PRKAG2: variants seen among roughly 807,000 people sequenced by gnomAD.
PRKAG2 encodes the protein protein kinase AMP-activated non-catalytic subunit gamma 2.
In PRKAG2, 26 loss-of-function variants were observed where a neutral mutation model predicts 69.6. The observed-to-expected ratio is 0.37, with a 90% CI of 0.27 to 0.52. The LOEUF is 0.52. Among genes scored for constraint, PRKAG2 ranks in the 20% least tolerant of loss-of-function variants. The probability of loss-of-function intolerance (pLI) is 0.90; values close to 1 mark genes in which losing one functional copy is unlikely to be tolerated. For synonymous variants in PRKAG2, 293 were observed against 285.0 expected (o/e 1.03, Z -0.28); for missense variants, 557 against 740.0 (o/e 0.75, Z 2.87).
chr7:151,613,429 T>C (rs1819335466), intron 5 of PRKAG2, among the ~76,000 whole-genome samples: 1 of 152,212 alleles, frequency 6.6e-6, no homozygotes, highest in Non-Finnish European at 1.5e-5. Context: ...CTGGTATGTA[T>C]GATGCAAATA....
intron 5 of PRKAG2, among the ~76,000 whole-genome samples, chr7:151,628,612 G>A (rs907680727): frequency 1.6e-4 from 24 of 151,870 alleles, no homozygotes; most frequent in African/African-American, 3.6e-4. Context: ...CTTGGGAGGC[G>A]GAAGCACCAC....
intron 3 of PRKAG2, among the ~76,000 whole-genome samples, chr7:151,681,310 A>G (rs1833858011): frequency 6.6e-6 from 1 of 152,186 alleles, no homozygotes; most frequent in African/African-American, 2.4e-5. Context: ...CAAGTTCAGA[A>G]GCTGCTCCCA....
intron 1 of PRKAG2, among the ~76,000 whole-genome samples, chr7:151,852,094 C>T (rs2079582849): frequency 1.3e-5 from 2 of 152,164 alleles, no homozygotes; most frequent in African/African-American, 4.8e-5. Flanking sequence ...AGTGACAGGA[C>T]GGACGCACAG....
chr7:151,760,948 A>G (rs1287578454), intron 3 of PRKAG2, among the ~76,000 whole-genome samples: 6 of 152,230 alleles, frequency 3.9e-5, no homozygotes, highest in African/African-American at 1.4e-4. Flanking sequence ...ACAGAAAAAA[A>G]TAACTGAAAG....
intron 4 of PRKAG2, 162 bp downstream of exon 4, chr7:151,675,258 C>T: frequency 2.5e-6 from 2 of 791,904 alleles, no homozygotes; most frequent in East Asian, 5.4e-5. Flanking sequence ...GTGCCCTCAC[C>T]ATTTCTCCCT....
chr7:151,558,757 T>TC (rs1804306536), intron 15 of PRKAG2: 18 of 985,206 alleles, frequency 1.8e-5, no homozygotes, highest in Non-Finnish European at 2.2e-5. Context: ...CATTCCAAAT[T>TC]CCAGCTGGAA....
intron 1 of PRKAG2, among the ~76,000 whole-genome samples, chr7:151,823,590 G>A (rs2078843456): frequency 6.6e-6 from 1 of 151,904 alleles, no homozygotes; most frequent in Admixed American, 6.6e-5. Context: ...TGGCCTACTG[G>A]GCCATCTGGG....
At position 151,675,499 on chromosome 7, in the gene PRKAG2, T is replaced by G. The variant is rs1832772123; in HGVS notation, c.605A>C (p.Gln202Pro). The G allele has an allele frequency of 6.2e-7, 1 of 1,614,148 alleles. No individual in the cohort carries two copies. Among genetic ancestry groups the G allele is most frequent in the East Asian group, 2.2e-5 (1 of 44,874 alleles). The change falls in exon 4 of 16, where the codon CAG becomes CCG. Residue 202 changes from glutamine (Q) to proline (P), a missense_variant. Transcript: ENST00000287878. ...CTGGAAGGAAGACGGGCAGAACCTC[T>G]GCCCTGTGTCCGGGGGGGAAGACGA... is the stretch of plus-strand genomic sequence containing the variant. ...YASSSPPDTG[Q>P]RFCPSSFQSP...
intron 5 of PRKAG2, among the ~76,000 whole-genome samples, chr7:151,600,144 C>T (rs1252141359): frequency 6.6e-6 from 1 of 152,252 alleles, no homozygotes; most frequent in East Asian, 1.9e-4. Flanking sequence ...CCCCTCCTTC[C>T]CTCGGCCCGC....
chr7:151,844,997 G>C (rs2079397083), intron 1 of PRKAG2, among the ~76,000 whole-genome samples: 1 of 152,132 alleles, frequency 6.6e-6, no homozygotes, highest in South Asian at 2.1e-4. Context: ...CTGTTGAAAA[G>C]AGTGTATGCG....
In PRKAG2 at chr7:151,874,333, G is replaced by GATGTATATGTATATGTATATGATGTAT. The variant is rs1554622158; in HGVS notation, c.114+2147_114+2173dup. Among the ~76,000 whole-genome samples, 33 of 102,730 alleles carry GATGTATATGTATATGTATATGATGTAT rather than the reference G, an allele frequency of 3.2e-4. 1 individual carries two copies. The highest frequency in any genetic ancestry group is 1.0e-3 in the Admixed American group (9 of 8,824). 67.4% of individuals were successfully genotyped at this position (102,730 alleles called of 152,430 possible). ...ATATGTATATGATGTATATGTATAT[G>GATGTATATGTATATGTATATGATGTAT]ATGTATATGTATATGTATATGATGT... On this transcript the variant is annotated intron_variant, in intron 1 of 15. Transcript: ENST00000287878.
At chr7:151,837,453 C>G (rs923497500) in intron 1 of PRKAG2, 2 of 152,368 alleles carry the variant, frequency 1.3e-5, no homozygotes, top group African/African-American at 4.8e-5. Flanking sequence ...CCGGGCGACC[C>G]TCCCTCCATC....
At chr7:151,731,957 C>T (rs1409806740) in intron 3 of PRKAG2, among the ~76,000 whole-genome samples, 1 of 151,940 alleles carries the variant, frequency 6.6e-6, no homozygotes, top group African/African-American at 2.4e-5. Flanking sequence ...CCCACCTTAG[C>T]CTCCCCAGTA....
intron 4 of PRKAG2, chr7:151,674,984 T>C: frequency 3.4e-6 from 1 of 293,022 alleles, no homozygotes; most frequent in South Asian, 3.3e-5. Flanking sequence ...TGCGGTGTCA[T>C]GATCTCAGCT....
chr7:151,855,613 C>T (rs1353578242), intron 1 of PRKAG2, among the ~76,000 whole-genome samples: 4 of 145,006 alleles, frequency 2.8e-5, no homozygotes, highest in Non-Finnish European at 6.2e-5. Context: ...CCACCCTCCA[C>T]ACACACCACA....
At chr7:151,755,783 G>A (rs1000311643) in intron 3 of PRKAG2, among the ~76,000 whole-genome samples, 1 of 152,176 alleles carries the variant, frequency 6.6e-6, no homozygotes, top group Non-Finnish European at 1.5e-5. Context: ...TCTCCTTGCT[G>A]GGCAGAGTCA....
intron 3 of PRKAG2, among the ~76,000 whole-genome samples, chr7:151,701,842 C>CAAAAAAAAAAAAAAAA (rs71533538): frequency 1.1e-5 from 1 of 92,492 alleles, no homozygotes; most frequent in African/African-American, 4.1e-5. Flanking sequence ...GACTCTGTCT[C>CAAAAAAAAAAAAAAAA]AAAAAAAAAA....
intron 5 of PRKAG2, among the ~76,000 whole-genome samples, chr7:151,606,341 T>C (rs1817558123): frequency 6.6e-6 from 1 of 152,244 alleles, no homozygotes; most frequent in Non-Finnish European, 1.5e-5. Flanking sequence ...TTTCTACTTT[T>C]AGTATAAACT....
At chr7:151,782,121 A>T (rs1482635463) in intron 2 of PRKAG2, among the ~76,000 whole-genome samples, 1 of 151,886 alleles carries the variant, frequency 6.6e-6, no homozygotes, top group Non-Finnish European at 1.5e-5. Flanking sequence ...AAAATAAAAA[A>T]ATAAAAAAAA....
Sources: allele counts gnomAD v4.1 joint callset (sites outside exome capture counted in the v4.1 genomes callset), GRCh38; gene constraint gnomAD v4.1.1; transcripts MANE v1.5; gene names NCBI Gene and HGNC (gene_info 2026-07-23, HGNC 2026-07-21).